The following UTP14C variants were observed in gnomAD, a reference collection of about 807,000 sequenced individuals.
UTP14C encodes the protein UTP14C small subunit processome component, also known as U3 small nucleolar RNA-associated protein 14 homolog C.
UTP14C carries 10 observed loss-of-function variants against 14.6 expected under a neutral mutation model. The observed-to-expected ratio is 0.68, with a 90% confidence interval of 0.42 to 1.16. The LOEUF (loss-of-function observed/expected upper bound fraction) is 1.16, where lower values mean the gene tolerates loss of function less well. Among genes scored for constraint, UTP14C ranks in the 50% most tolerant of loss-of-function variants. The pLI is 0.00. For missense variants in UTP14C, 818 were observed against 890.8 expected (o/e 0.92, Z 1.04); for synonymous variants, 315 against 331.6 (o/e 0.95, Z 0.54).
At chr13:52,026,250 G>A (rs1476746171) in intron 1 of UTP14C, among the ~76,000 whole-genome samples, 1 of 152,214 alleles carries the variant, frequency 6.6e-6, no homozygotes, top group Non-Finnish European at 1.5e-5. Context: ...CAGGAGAGAG[G>A]GGAGAGTCTC....
chr13:52,029,161 T>A lies in UTP14C; in HGVS notation c.357T>A (p.Leu119=). Residue 119 remains leucine, a synonymous_variant, in exon 2 of 2, where the codon CTT becomes CTA. Transcript: ENST00000521776. ...CAAAGAAGGTGGTGGAGTTACCTCT[T>A]AACAAAGAAAAAATTGAACAGATCC... ...VKSKKVVELP[L]NKEKIEQIHR... 1 of 1,614,116 alleles carries A rather than the reference T, an allele frequency of 6.2e-7. No homozygotes were observed.
In UTP14C at chr13:52,032,492, GT is replaced by G. The variant is rs1566716826; in HGVS notation, c.*1388del. Reference sequence around the variant, plus strand: ...TATATAATCAATCCTTTCTAGTTCAGTGAATTGACCCCATCCACAGGCTGAT... The same window carrying G: ...TATATAATCAATCCTTTCTAGTTCAGGAATTGACCCCATCCACAGGCTGAT... On this transcript the variant is annotated 3_prime_UTR_variant, in exon 2 of 2. Coordinates refer to ENST00000521776, the MANE Select transcript of UTP14C (RefSeq NM_021645.6). 6.0e-6 allele frequency: 1 copy of G among 167,070 alleles called. No individual in the cohort carries two copies. Among genetic ancestry groups the G allele is most frequent in the African/African-American group, 2.4e-5 (1 of 41,462 alleles). 10.3% of individuals were successfully genotyped at this position (167,070 alleles called of 1,614,324 possible).
intron 1 of UTP14C, among the ~76,000 whole-genome samples, chr13:52,026,143 G>A (rs890009949): frequency 6.6e-5 from 10 of 152,182 alleles, no homozygotes; most frequent in African/African-American, 2.2e-4. Context: ...ATGTGAAAGC[G>A]CCAAAGAGAA....
chr13:52,031,029 C>T lies in UTP14C; in HGVS notation c.2225C>T (p.Ser742Leu). 1 of 1,614,174 alleles carries T rather than the reference C, an allele frequency of 6.2e-7. No individual in the cohort carries two copies. Among genetic ancestry groups the T allele is most frequent in the Non-Finnish European group, 8.5e-7 (1 of 1,180,030 alleles). Residue 742 changes from serine to leucine, a missense_variant, in exon 2 of 2, where the codon TCA (serine) becomes TTA (leucine). Coordinates refer to ENST00000521776, the MANE Select transcript of UTP14C (RefSeq NM_021645.6). ...KAEDVGYQSSSRSDLPVIQRN... is the reference protein window; with the variant it reads ...KAEDVGYQSSLRSDLPVIQRN... Reference sequence around the variant, plus strand: ...GAGGATGTGGGCTACCAGTCTTCCTCAAGGTCAGACCTGCCTGTCATACAG... The same window carrying T: ...GAGGATGTGGGCTACCAGTCTTCCTTAAGGTCAGACCTGCCTGTCATACAG...
In UTP14C at chr13:52,033,530, T is replaced by A. The variant is rs1954327589; in HGVS notation, c.*2425T>A. 6.0e-6 allele frequency: 1 copy of A among 167,084 alleles called. No individual in the cohort carries two copies. The highest frequency in any genetic ancestry group is 1.5e-5 in the Non-Finnish European group (1 of 68,110). The allele number at this position is 167,084 out of a possible 1,614,324, so 10.4% of individuals were successfully genotyped here. ...CATAGTCTCCTTGTTCTCCTACTAA[T>A]ATTCCCAAGCTCCATATGCCAATTA... On this transcript the variant is annotated 3_prime_UTR_variant, in exon 2 of 2. Coordinates refer to ENST00000521776, the MANE Select transcript of UTP14C (RefSeq NM_021645.6).
At position 52,033,512 on chromosome 13, in the gene UTP14C, T is replaced by C. The variant is rs1034577485; in HGVS notation, c.*2407T>C. On this transcript the variant is annotated 3_prime_UTR_variant, in exon 2 of 2. Transcript: ENST00000521776. ...TGCCTTTTATATGCCTCACATAGTC[T>C]CCTTGTTCTCCTACTAATATTCCCA... The C allele has an allele frequency of 3.0e-5, 5 of 167,092 alleles. No individual in the cohort carries two copies. Among genetic ancestry groups the C allele is most frequent in the African/African-American group, 1.2e-4 (5 of 41,446 alleles). 10.4% of individuals were successfully genotyped at this position (167,092 alleles called of 1,614,324 possible). A position where few individuals can be genotyped will look rare whatever the true frequency, so the allele number is the denominator to read the frequency against.
In UTP14C at chr13:52,030,975, C is replaced by T; in HGVS notation, c.2171C>T (p.Pro724Leu). 6.2e-7 allele frequency: 1 copy of T among 1,614,176 alleles called. No homozygotes were observed. Among genetic ancestry groups the T allele is most frequent in the East Asian group, 2.2e-5 (1 of 44,884 alleles). The part of the protein sequence containing the change: ...KLTTPKVVTK[P>L]GHIIKPIKAE... Reference sequence around the variant, plus strand: ...ACTACTCCCAAGGTCGTCACCAAGCCAGGCCATATCATTAAGCCCATAAAA... The same window carrying T: ...ACTACTCCCAAGGTCGTCACCAAGCTAGGCCATATCATTAAGCCCATAAAA... The change falls in exon 2 of 2, where the codon CCA (proline) becomes CTA (leucine). Residue 724 changes from proline to leucine, a missense_variant. Pro to Leu is a moderately conservative substitution (Grantham distance 98). Transcript: ENST00000521776.
At chr13:52,025,073 C>T (rs1954227895) in intron 1 of UTP14C, 136 bp downstream of exon 1, 1 of 963,728 alleles carries the variant, frequency 1.0e-6, no homozygotes, top group Non-Finnish European at 1.6e-6. Flanking sequence ...GTGCTTTCCT[C>T]ACTTGAGACC....
At position 52,033,097 on chromosome 13, in the gene UTP14C, T is replaced by C. The variant is rs1954321225; in HGVS notation, c.*1992T>C. 1 of 167,142 alleles carries C rather than the reference T, an allele frequency of 6.0e-6. No homozygotes were observed. The highest frequency in any genetic ancestry group is 1.9e-4 in the East Asian group (1 of 5,212). 10.4% of individuals were successfully genotyped at this position (167,142 alleles called of 1,614,324 possible). A position where few individuals can be genotyped will look rare whatever the true frequency, so the allele number is the denominator to read the frequency against. On this transcript the variant is annotated 3_prime_UTR_variant, in exon 2 of 2. Coordinates refer to ENST00000521776, the MANE Select transcript of UTP14C (RefSeq NM_021645.6). Reference sequence around the variant, plus strand: ...ATCACAGATATATCATTGGAAGATATAATTTGCATATATGTTCATTATCAG... The same window carrying C: ...ATCACAGATATATCATTGGAAGATACAATTTGCATATATGTTCATTATCAG...
At chr13:52,026,014 A>C (rs995754785) in intron 1 of UTP14C, among the ~76,000 whole-genome samples, 4 of 152,248 alleles carry the variant, frequency 2.6e-5, no homozygotes, top group Non-Finnish European at 5.9e-5. Context: ...TGGTGGAGAC[A>C]GGAGCTGCTT....
rs561794944 is a variant in UTP14C, at chr13:52,033,188, T to G, written c.*2083T>G. ...AATGATAGCATGAAAAGTGTCAAAGTGGTTTGTCCGCTAGCGTCTGTCTGC... is the reference window on the plus strand; with the variant it reads ...AATGATAGCATGAAAAGTGTCAAAGGGGTTTGTCCGCTAGCGTCTGTCTGC... On this transcript the variant is annotated 3_prime_UTR_variant, in exon 2 of 2. Coordinates refer to ENST00000521776, the MANE Select transcript of UTP14C (RefSeq NM_021645.6). The G allele has an allele frequency of 1.2e-5, 2 of 167,158 alleles. No homozygotes were observed. The highest frequency in any genetic ancestry group is 3.9e-4 in the East Asian group (2 of 5,190). The allele number at this position is 167,158 out of a possible 1,614,324, so 10.4% of individuals were successfully genotyped here.
rs982342747 is a variant in UTP14C at position 52,030,289 on chromosome 13, G to A, written c.1485G>A (p.Ala495=). ...GAGAGGAACCTGCCCCAGAAGAAGC[G>A]GAACCCCTATTGCTACAGAGGTCAG... ...VQREEPAPEE[A]EPLLLQRSER... Residue 495 remains alanine (A), a synonymous_variant, in exon 2 of 2, where the codon GCG becomes GCA. Coordinates refer to ENST00000521776, the MANE Select transcript of UTP14C (RefSeq NM_021645.6). 28 of 1,614,064 alleles carry A rather than the reference G, an allele frequency of 1.7e-5. No homozygotes were observed. The highest frequency in any genetic ancestry group is 3.3e-5 in the South Asian group (3 of 91,084).
chr13:52,026,932 A>G (rs905291878), intron 1 of UTP14C, among the ~76,000 whole-genome samples: 11 of 152,184 alleles, frequency 7.2e-5, no homozygotes, highest in African/African-American at 2.7e-4. Flanking sequence ...AGAGGCTCTC[A>G]GTACAAAATG....
chr13:52,031,079 C>T lies in UTP14C; in HGVS notation c.2275C>T (p.Arg759Cys), dbSNP rs747293991. 1.2e-5 allele frequency: 19 copies of T among 1,612,984 alleles called. No individual in the cohort carries two copies. Among genetic ancestry groups the T allele is most frequent in the African/African-American group, 1.1e-4 (8 of 74,842 alleles). The change falls in exon 2 of 2, where the codon CGT (arginine) becomes TGT (cysteine). Residue 759 changes from arginine to cysteine, a missense_variant. Physicochemically the swap from Arg to Cys is radical, Grantham distance 180. Coordinates refer to ENST00000521776, the MANE Select transcript of UTP14C (RefSeq NM_021645.6). The part of the protein sequence containing the change: ...IQRNPKRITT[R>C]HNKEEKL ...GAGGAATCCAAAACGAATCACCACA[C>T]GTCACAATAAAGAAGAAAAACTGTA...
rs886050315 is a variant in UTP14C at position 52,029,530 on chromosome 13, A to G, written c.726A>G (p.Lys242=). 46 of 1,614,124 alleles carry G rather than the reference A, an allele frequency of 2.8e-5. No individual in the cohort carries two copies. Among genetic ancestry groups the G allele is most frequent in the Non-Finnish European group, 3.8e-5 (45 of 1,180,050 alleles). Residue 242 remains lysine, a synonymous_variant, in exon 2 of 2, where the codon AAA becomes AAG. Coordinates refer to ENST00000521776, the MANE Select transcript of UTP14C (RefSeq NM_021645.6). The part of the protein sequence containing the change: ...LQSYYEAKAR[K]EKKIKSKKYH... Reference sequence around the variant, plus strand: ...CCTACTATGAGGCCAAGGCTCGAAAAGAGAAGAAAATCAAAAGTAAAAAGT... The same window carrying G: ...CCTACTATGAGGCCAAGGCTCGAAAGGAGAAGAAAATCAAAAGTAAAAAGT...
Position 52,029,001 on chromosome 13 carries a change from C to T in UTP14C, c.197C>T (p.Ala66Val), listed in dbSNP as rs1416156200. 1 of 1,614,190 alleles carries T rather than the reference C, an allele frequency of 6.2e-7. No individual in the cohort carries two copies. The highest frequency in any genetic ancestry group is 1.1e-5 in the South Asian group (1 of 91,086). The change falls in exon 2 of 2, where the codon GCT (alanine) becomes GTT (valine). Residue 66 changes from alanine to valine, a missense_variant. Coordinates refer to ENST00000521776, the MANE Select transcript of UTP14C (RefSeq NM_021645.6). ...NRRKLAERSEASLKVSEFSVS... is the reference protein window; with the variant it reads ...NRRKLAERSEVSLKVSEFSVS... ...CGGAAATTGGCTGAGAGGTCTGAGG[C>T]TAGTCTGAAAGTGTCAGAGTTCAGT...
Position 52,030,033 on chromosome 13 carries a change from GA to G in UTP14C, c.1230del (p.Arg410SerfsTer10). 6.2e-7 allele frequency: 1 copy of G among 1,614,078 alleles called. No individual in the cohort carries two copies. Among genetic ancestry groups the G allele is most frequent in the Non-Finnish European group, 8.5e-7 (1 of 1,179,886 alleles). On this transcript the variant is annotated frameshift_variant, in exon 2 of 2. Coordinates refer to ENST00000521776, the MANE Select transcript of UTP14C (RefSeq NM_021645.6). LOFTEE classifies it low-confidence loss of function (END_TRUNC). ...HEVSASEAEERPVAEEEILLR... is the reference protein window; with the variant it reads ...HEVSASEAEEXPVAEEEILLR... ...GTTTCTGCAAGTGAGGCAGAAGAAA[GA>G]CCAGTGGCAGAGGAAGAAATTTTGT...
At chr13:52,025,050 T>A in intron 1 of UTP14C, 113 bp downstream of exon 1, 1 of 1,207,066 alleles carries the variant, frequency 8.3e-7, no homozygotes, top group Non-Finnish European at 1.2e-6. Context: ...TCTCTTGCCC[T>A]CATCCACCAA....
At chr13:52,025,663 T>A (rs1954233512) in intron 1 of UTP14C, among the ~76,000 whole-genome samples, 1 of 152,230 alleles carries the variant, frequency 6.6e-6, no homozygotes, top group Non-Finnish European at 1.5e-5. Context: ...TGGCACAAAC[T>A]GCTATCTCTA....
Sources: gnomAD v4.1 joint callset for allele counts (sites outside exome capture counted in the v4.1 genomes callset) on GRCh38, gnomAD v4.1.1 for gene constraint, MANE v1.5 for transcripts, NCBI Gene and HGNC (gene_info 2026-07-23, HGNC 2026-07-21) for gene names.